The following MSRA variants were observed in gnomAD, a reference collection of about 807,000 sequenced individuals.
MSRA encodes the protein methionine sulfoxide reductase A.
In MSRA, 54 loss-of-function variants were observed where a neutral mutation model predicts 31.3. The observed-to-expected ratio is 1.73, with a 90% CI of 1.39 to 2.17. MSRA has a LOEUF of 2.17. MSRA is among the 30% of genes most tolerant of loss of function. The pLI is 0.00. For missense variants in MSRA, 507 were observed against 300.9 expected, an observed-to-expected ratio of 1.69 and a Z score of -5.07; for synonymous variants, 169 against 116.5, an observed-to-expected ratio of 1.45 and a Z score of -2.90.
At chr8:10,261,148 T>C (rs1407397780) in intron 3 of MSRA, among the ~76,000 whole-genome samples, 2 of 152,200 alleles carry the variant, frequency 1.3e-5, no homozygotes, top group Non-Finnish European at 2.9e-5. Flanking sequence ...AACTATAGTC[T>C]GCTGTGATGG....
chr8:10,186,439 G>T (rs2628135), intron 1 of MSRA, among the ~76,000 whole-genome samples: 1 of 152,054 alleles, frequency 6.6e-6, no homozygotes, highest in Non-Finnish European at 1.5e-5. Context: ...GAATCTCTTA[G>T]AATTTGCATG....
intron 5 of MSRA, among the ~76,000 whole-genome samples, chr8:10,423,833 T>G (rs1585750280): frequency 1.3e-5 from 2 of 152,144 alleles, no homozygotes; most frequent in East Asian, 3.9e-4. Flanking sequence ...GGTCTTGAGG[T>G]AGCAACAGGG....
At chr8:10,112,738 C>T (rs938927931) in intron 1 of MSRA, among the ~76,000 whole-genome samples, 8 of 152,172 alleles carry the variant, frequency 5.3e-5, no homozygotes, top group African/African-American at 1.9e-4. Context: ...CCTATGGGAA[C>T]ATGATAGCCA....
intron 1 of MSRA, among the ~76,000 whole-genome samples, chr8:10,205,242 T>C (rs1156704896): frequency 6.6e-6 from 1 of 151,758 alleles, no homozygotes; most frequent in East Asian, 1.9e-4. Flanking sequence ...AAGGCAGATG[T>C]CGGAGTCCGG....
At chr8:10,082,997 G>A (rs1234811419) in intron 1 of MSRA, among the ~76,000 whole-genome samples, 2 of 152,344 alleles carry the variant, frequency 1.3e-5, no homozygotes, top group East Asian at 3.9e-4. Context: ...TAACACAGAT[G>A]AGAATAATTA....
At chr8:10,365,168 G>T (rs1368186610) in intron 5 of MSRA, among the ~76,000 whole-genome samples, 1 of 142,600 alleles carries the variant, frequency 7.0e-6, no homozygotes, top group East Asian at 2.0e-4. Context: ...AAAAAAAGTC[G>T]AGACTGGAAG....
intron 1 of MSRA, among the ~76,000 whole-genome samples, chr8:10,062,918 A>G (rs952764927): frequency 3.9e-5 from 6 of 152,130 alleles, no homozygotes; most frequent in Admixed American, 1.3e-4. Context: ...ATTCCTTAGC[A>G]CATTTTAAGC....
intron 2 of MSRA, among the ~76,000 whole-genome samples, chr8:10,239,794 C>G (rs1037327588): frequency 1.3e-5 from 2 of 152,202 alleles, no homozygotes; most frequent in Non-Finnish European, 2.9e-5. Context: ...GAAGTCAATC[C>G]TGTTTCTCTC....
chr8:10,287,450 A>G (rs889894208), intron 3 of MSRA, among the ~76,000 whole-genome samples: 1 of 152,202 alleles, frequency 6.6e-6, no homozygotes, highest in Non-Finnish European at 1.5e-5. Context: ...CTAAGGTATC[A>G]TCATCATCCC....
rs139433738 is a variant in MSRA, at chr8:10,372,592, C to T, written c.543+52603C>T. On this transcript the variant is annotated intron_variant, in intron 5 of 5. Transcript: ENST00000317173. ...TCCAATTGAAATGAATCTCCTCCCA[C>T]CTCCCTCCCTCTCTCTTTCTGAACA... Among the ~76,000 whole-genome samples the T allele has an allele frequency of 5.3e-4, 80 of 152,278 alleles. No homozygotes were observed. In the East Asian group the frequency reaches 0.013, roughly 25 times the overall value.
rs576416019 is a variant in MSRA at position 10,174,840 on chromosome 8, C to A, written c.143-32993C>A. Among the ~76,000 whole-genome samples the A allele has an allele frequency of 2.6e-5, 4 of 152,204 alleles. No individual in the cohort carries two copies. In the East Asian group the frequency reaches 7.7e-4, roughly 29 times the overall value. ...TTTCTTTGTCAAAAAACAAACTCTTCACTTTCATCTCTTCAAATGGCATTT... is the reference window on the plus strand; with the variant it reads ...TTTCTTTGTCAAAAAACAAACTCTTAACTTTCATCTCTTCAAATGGCATTT... On this transcript the variant is annotated intron_variant, in intron 1 of 5. Coordinates refer to ENST00000317173, the MANE Select transcript of MSRA (RefSeq NM_012331.5).
intron 1 of MSRA, among the ~76,000 whole-genome samples, chr8:10,058,628 T>C (rs1329408834): frequency 6.6e-6 from 1 of 152,232 alleles, no homozygotes; most frequent in Non-Finnish European, 1.5e-5. Flanking sequence ...GGCTATTTCC[T>C]TGACATAGCA....
At position 10,072,066 on chromosome 8, in the gene MSRA, A is replaced by G. The variant is rs1310850474; in HGVS notation, c.142+17408A>G. ...ACCCTGTTTCCTGGGTGGGGAACAG[A>G]TAGAGCAATGAGGTTGGCAGGTTGG... On this transcript the variant is annotated intron_variant, in intron 1 of 5. Coordinates refer to ENST00000317173, the MANE Select transcript of MSRA (RefSeq NM_012331.5). 3.2e-4 allele frequency among the ~76,000 whole-genome samples: 15 copies of G among 47,342 alleles called. No individual in the cohort carries two copies. In the Admixed American group the frequency reaches 4.4e-3, roughly 14 times the overall value. The allele number at this position is 47,342 out of a possible 152,430, so 31.1% of individuals were successfully genotyped here. A position where few individuals can be genotyped will look rare whatever the true frequency, so the allele number is the denominator to read the frequency against.
chr8:10,061,305 G>C (rs551482961), intron 1 of MSRA, among the ~76,000 whole-genome samples: 2 of 152,180 alleles, frequency 1.3e-5, no homozygotes, highest in South Asian at 2.1e-4. Flanking sequence ...GTCTATTAAA[G>C]GCCTGCTTAG....
intron 1 of MSRA, among the ~76,000 whole-genome samples, chr8:10,134,305 C>A (rs532884536): frequency 1.4e-4 from 21 of 152,340 alleles, no homozygotes; most frequent in African/African-American, 4.1e-4. Context: ...AAAAAAGAAG[C>A]CTCCAGCTTC....
intron 3 of MSRA, among the ~76,000 whole-genome samples, chr8:10,298,726 A>G (rs1000932081): frequency 6.6e-6 from 1 of 152,198 alleles, no homozygotes; most frequent in Admixed American, 6.5e-5. Context: ...CATGTGTGGG[A>G]TAGTAAAATA....
intron 4 of MSRA, among the ~76,000 whole-genome samples, chr8:10,310,003 A>G (rs1296092939): frequency 6.6e-6 from 1 of 152,250 alleles, no homozygotes. Flanking sequence ...TCTGTTCCCC[A>G]TCAACTTGGC....
intron 1 of MSRA, among the ~76,000 whole-genome samples, chr8:10,069,777 A>G (rs1938014748): frequency 6.6e-6 from 1 of 152,164 alleles, no homozygotes; most frequent in African/African-American, 2.4e-5. Context: ...TGAATTTTGG[A>G]GGGGACACAT....
intron 5 of MSRA, among the ~76,000 whole-genome samples, chr8:10,387,457 C>G (rs1448794894): frequency 6.6e-6 from 1 of 152,094 alleles, no homozygotes; most frequent in Admixed American, 6.5e-5. Flanking sequence ...TAAGAAGGGT[C>G]AGGGAGTTGA....
Sources: gnomAD v4.1 joint callset for allele counts (sites outside exome capture counted in the v4.1 genomes callset) on GRCh38, gnomAD v4.1.1 for gene constraint, MANE v1.5 for transcripts, NCBI Gene and HGNC (gene_info 2026-07-23, HGNC 2026-07-21) for gene names.